The following WDR81 variants were observed in gnomAD, a reference collection of about 807,000 sequenced individuals.
WDR81 encodes the protein WD repeat domain 81.
A neutral mutation model predicts 140.8 loss-of-function variants in WDR81; 92 were observed. The ratio of observed to expected loss-of-function variants is 0.65; its 90% confidence interval spans 0.55 to 0.78. WDR81 has a LOEUF of 0.78. WDR81 is among the 30% of genes least tolerant of loss of function. The pLI, the probability that WDR81 is intolerant of heterozygous loss-of-function variation, is 0.00. For synonymous variants in WDR81, 1,183 were observed against 1,156.4 expected, an observed-to-expected ratio of 1.02 and a Z score of -0.47; for missense variants, 2,502 against 2,636.4, an observed-to-expected ratio of 0.95 and a Z score of 1.12.
In WDR81 at chr17:1,717,128, C is replaced by T. The variant is rs145636465; in HGVS notation, c.-124+495C>T. 133 of 165,294 alleles carry T rather than the reference C, an allele frequency of 8.0e-4. 1 individual carries two copies. In the East Asian group the frequency reaches 0.019, roughly 24 times the overall value. 10.2% of individuals were successfully genotyped at this position (165,294 alleles called of 1,614,324 possible). On this transcript the variant is annotated intron_variant, in intron 1 of 10. Transcript: ENST00000309182. ...AGCAATCGCATCCTCTGATTAACCC[C>T]CATTCAGTCCCGCCCTCCAAAGCTC... is the stretch of plus-strand genomic sequence containing the variant.
At chr17:1,734,648 G>A (rs958436920) in intron 7 of WDR81, among the ~76,000 whole-genome samples, 1 of 151,792 alleles carries the variant, frequency 6.6e-6, no homozygotes, top group Non-Finnish European at 1.5e-5. Context: ...GCGTGGTGGC[G>A]GGTGCCTGTA....
chr17:1,722,634 C>A (rs142538320), upstream of WDR81, among the ~76,000 whole-genome samples: 969 of 151,634 alleles, frequency 6.4e-3, 10 homozygotes, highest in African/African-American at 0.022. Flanking sequence ...CATGAGCCAC[C>A]GCACCCGGCC....
In WDR81 at chr17:1,728,366, G is replaced by A; in HGVS notation, c.3407G>A (p.Ser1136Asn). 6.2e-7 allele frequency: 1 copy of A among 1,612,990 alleles called. No homozygotes were observed. Among genetic ancestry groups the A allele is most frequent in the Non-Finnish European group, 8.5e-7 (1 of 1,180,012 alleles). Residue 1136 changes from serine to asparagine, a missense_variant, in exon 1 of 10, where the codon AGC (serine) becomes AAC (asparagine). Ser to Asn is a conservative substitution (Grantham distance 46). Around this residue, in one of 3 missense-constraint regions of WDR81, gnomAD observed 1,737 missense variants for 1,843.0 expected, o/e 0.94. Coordinates refer to ENST00000409644, the MANE Select transcript of WDR81 (RefSeq NM_001163809.2). ...GGGGGTGCCCCCGTGGACAAGAGCA[G>A]CCTTCGATCAGGTGACAGCAGCCAG... is the stretch of plus-strand genomic sequence containing the variant. ...DEGGAPVDKS[S>N]LRSGDSSQDL...
At chr17:1,718,148 C>T (rs1317998039) in intron 1 of WDR81, among the ~76,000 whole-genome samples, 1 of 151,712 alleles carries the variant, frequency 6.6e-6, no homozygotes, top group Non-Finnish European at 1.5e-5. Flanking sequence ...GACAGAGTCT[C>T]GCTCTGTTGC....
In WDR81 at chr17:1,726,712, G is replaced by C. The variant is rs1041949533; in HGVS notation, c.1753G>C (p.Asp585His). The C allele has an allele frequency of 5.2e-6, 8 of 1,548,974 alleles. No homozygotes were observed. The highest frequency in any genetic ancestry group is 2.4e-5 in the East Asian group (1 of 40,914). The change falls in exon 1 of 10, where the codon GAT becomes CAT. Residue 585 changes from aspartate to histidine, a missense_variant. By Grantham distance (81) the Asp-to-His change is moderately conservative. This residue lies in a region of WDR81 where 1,737 missense variants were observed against 1,843.0 expected (regional missense o/e 0.94). Transcript: ENST00000409644. ...CAGCTACGGGGTGGTGCAGCTCTTC[G>C]ATCAGCCACACCCCCAGCGCCTGGC... ...LASYGVVQLF[D>H]QPHPQRLAGA...
At position 1,734,155 on chromosome 17, in the gene WDR81, T is replaced by C. The variant is rs138211651; in HGVS notation, c.5118T>C (p.Leu1706=). The C allele has an allele frequency of 2.5e-4, 402 of 1,598,522 alleles. 2 individuals are homozygous for C. In the African/African-American group the frequency reaches 4.7e-3, roughly 19 times the overall value. The change falls in exon 7 of 10, where the codon CTT becomes CTC. Residue 1706 remains leucine, a synonymous_variant. Transcript: ENST00000409644. ...AGAGCGTCTTCTTCGTGGGCCAGCTTGAGGCCCCGCAGCACGTGGTGAGCT... is the reference window on the plus strand; with the variant it reads ...AGAGCGTCTTCTTCGTGGGCCAGCTCGAGGCCCCGCAGCACGTGGTGAGCT... The part of the protein sequence containing the change: ...HRKSVFFVGQ[L]EAPQHVVSCD...
upstream of WDR81, among the ~76,000 whole-genome samples, chr17:1,722,222 AGTTT>A (rs1175433834): frequency 1.3e-5 from 2 of 152,212 alleles, no homozygotes; most frequent in Non-Finnish European, 2.9e-5. Context: ...GCTCCATACA[AGTTT>A]GTTGTAAGTT....
Position 1,728,368 on chromosome 17 carries a change from C to T in WDR81, c.3409C>T (p.Leu1137Phe), listed in dbSNP as rs769728955. The change falls in exon 1 of 10, where the codon CTT (leucine) becomes TTT (phenylalanine). Residue 1137 changes from leucine (L) to phenylalanine (F), a missense_variant. By Grantham distance (22) the Leu-to-Phe change is conservative. Around this residue, in one of 3 missense-constraint regions of WDR81, gnomAD observed 1,737 missense variants for 1,843.0 expected, o/e 0.94. Coordinates refer to ENST00000409644, the MANE Select transcript of WDR81 (RefSeq NM_001163809.2). Reference sequence around the variant, plus strand: ...GGGTGCCCCCGTGGACAAGAGCAGCCTTCGATCAGGTGACAGCAGCCAGGA... The same window carrying T: ...GGGTGCCCCCGTGGACAAGAGCAGCTTTCGATCAGGTGACAGCAGCCAGGA... ...EGGAPVDKSS[L>F]RSGDSSQDLK... is the part of the protein sequence containing the mutation. 1 of 1,612,994 alleles carries T rather than the reference C, an allele frequency of 6.2e-7. No homozygotes were observed. Among genetic ancestry groups the T allele is most frequent in the East Asian group, 2.2e-5 (1 of 44,878 alleles).
intron 4 of WDR81, among the ~76,000 whole-genome samples, chr17:1,731,493 C>T (rs764835338): frequency 9.9e-5 from 15 of 152,132 alleles, no homozygotes; most frequent in South Asian, 6.2e-4. Context: ...TTGATATGTC[C>T]GGGCACGGTG....
rs371280271 is a variant in WDR81 at position 1,733,930 on chromosome 17, T to C, written c.4893T>C (p.Asp1631=). ...WQYEIGVSQQ[D]AHFHFHQIRL... Reference sequence around the variant, plus strand: ...ACGAGATCGGCGTGAGCCAGCAGGATGCCCACTTTCACTTCCACCAGATCC... The same window carrying C: ...ACGAGATCGGCGTGAGCCAGCAGGACGCCCACTTTCACTTCCACCAGATCC... The change falls in exon 7 of 10, where the codon GAT becomes GAC. Residue 1631 remains aspartate, a synonymous_variant. Coordinates refer to ENST00000409644, the MANE Select transcript of WDR81 (RefSeq NM_001163809.2). The C allele has an allele frequency of 6.2e-7, 1 of 1,612,532 alleles. No individual in the cohort carries two copies. Among genetic ancestry groups the C allele is most frequent in the Non-Finnish European group, 8.5e-7 (1 of 1,179,934 alleles).
chr17:1,722,111 G>A (rs182490350), upstream of WDR81, among the ~76,000 whole-genome samples: 142 of 151,930 alleles, frequency 9.3e-4, 1 homozygote, highest in African/African-American at 2.9e-3. Flanking sequence ...CAACAAGAGC[G>A]AAACTCTGTC....
intron 4 of WDR81, 96 bp from the exon 5 acceptor site, chr17:1,732,229 T>C (rs1302621085): frequency 1.0e-5 from 15 of 1,497,568 alleles, no homozygotes; most frequent in Non-Finnish European, 1.3e-5. Flanking sequence ...AGAGCAAGAC[T>C]CCATCTCAAT....
intron 7 of WDR81, 68 bp downstream of exon 7, chr17:1,734,284 G>T: frequency 1.4e-6 from 2 of 1,452,642 alleles, no homozygotes; most frequent in African/African-American, 1.4e-5. Context: ...CAGGAAGGGG[G>T]CCCGAGGGTG....
Position 1,724,936 on chromosome 17 carries a change from C to T in WDR81, c.-24C>T. ...GGCCGTGGCTGGGCTCAGCCCCGCG[C>T]TGCCCCCGGGCGGCCTGGAGGAGAT... is the stretch of plus-strand genomic sequence containing the variant. On this transcript the variant is annotated 5_prime_UTR_variant, in exon 1 of 10. Transcript: ENST00000409644. 1 of 1,386,390 alleles carries T rather than the reference C, an allele frequency of 7.2e-7. No homozygotes were observed. The highest frequency in any genetic ancestry group is 1.5e-5 in the African/African-American group (1 of 65,648). The allele number at this position is 1,386,390 out of a possible 1,614,324, so 85.9% of individuals were successfully genotyped here. A position where few individuals can be genotyped will look rare whatever the true frequency, so the allele number is the denominator to read the frequency against.
intron 1 of WDR81, among the ~76,000 whole-genome samples, chr17:1,719,172 A>G (rs1277893542): frequency 6.6e-6 from 1 of 152,200 alleles, no homozygotes; most frequent in East Asian, 1.9e-4. Flanking sequence ...TGTTACCGAT[A>G]ATTTCCCCTC....
At chr17:1,716,535 T>A (rs1307164718), upstream of WDR81, 1 of 1,549,956 alleles carries the variant, frequency 6.5e-7, no homozygotes, top group Non-Finnish European at 8.7e-7. Context: ...ACGAGAGTCC[T>A]AAAGAGCAGG....
At position 1,736,049 on chromosome 17, in the gene WDR81, G is replaced by A. The variant is rs560459612; in HGVS notation, c.5336G>A (p.Arg1779Gln). 3.3e-5 allele frequency: 53 copies of A among 1,597,830 alleles called. No homozygotes were observed. The highest frequency in any genetic ancestry group is 1.7e-4 in the Middle Eastern group (1 of 5,966). ...GCCCTCTCCCTGCAGCACGAGTTCC[G>A]ACTGGGCGGTGGGCTGAACCCTGGG... is the stretch of plus-strand genomic sequence containing the variant. ...CRKPGLQHEFRLGGGLNPGLV... is the reference protein window; with the variant it reads ...CRKPGLQHEFQLGGGLNPGLV... Residue 1779 changes from arginine (R) to glutamine (Q), a missense_variant, in exon 9 of 10, where the codon CGA (arginine) becomes CAA (glutamine). Physicochemically the swap from Arg to Gln is conservative, Grantham distance 43 (BLOSUM62 1). This residue lies in a region of WDR81 where 1,737 missense variants were observed against 1,843.0 expected (regional missense o/e 0.94). Transcript: ENST00000409644.
At chr17:1,724,507 C>T (rs905463442), upstream of WDR81, 2 of 986,022 alleles carry the variant, frequency 2.0e-6, no homozygotes, top group Non-Finnish European at 2.4e-6. Context: ...GGGCGGTAGG[C>T]ATCGCCCTCC....
chr17:1,719,335 C>G (rs1195056119), intron 1 of WDR81, among the ~76,000 whole-genome samples: 1 of 147,766 alleles, frequency 6.8e-6, no homozygotes, highest in Admixed American at 6.7e-5. Context: ...ATCACGAGGT[C>G]AGGAGATGGA....
Sources: allele counts gnomAD v4.1 joint callset (sites outside exome capture counted in the v4.1 genomes callset), GRCh38; gene constraint gnomAD v4.1.1; regional missense constraint gnomAD v4.1.1; transcripts MANE v1.5; gene names NCBI Gene and HGNC (gene_info 2026-07-23, HGNC 2026-07-21).